The following AFF3 variants were observed in gnomAD, a reference collection of about 807,000 sequenced individuals.
AFF3 encodes the protein AF4/FMR2 family member 3.
Under a neutral mutation model 129.7 loss-of-function variants are expected in AFF3, and 32 were observed. That is an observed-to-expected ratio of 0.25 (90% CI 0.19 to 0.33). The LOEUF is 0.33. Ranked by LOEUF, AFF3 falls within the 10% of genes least tolerant of loss-of-function variation. The pLI is 1.00. For synonymous variants in AFF3, 644 were observed against 635.4 expected, an observed-to-expected ratio of 1.01 and a Z score of -0.20; for missense variants, 1,373 against 1,592.0, an observed-to-expected ratio of 0.86 and a Z score of 2.34.
chr2:99,757,062 C>T (rs191364300), intron 8 of AFF3, among the ~76,000 whole-genome samples: 16 of 152,346 alleles, frequency 1.1e-4, no homozygotes, highest in African/African-American at 3.1e-4. Flanking sequence ...GCTCCACTCT[C>T]GGAGATCTCA....
chr2:99,763,259 C>T (rs1682763294), intron 8 of AFF3, among the ~76,000 whole-genome samples: 3 of 152,224 alleles, frequency 2.0e-5, no homozygotes, highest in Admixed American at 6.5e-5. Context: ...TAGGAAGTCA[C>T]ACTTAAAACC....
chr2:100,068,950 C>T (rs899300037), intron 4 of AFF3, among the ~76,000 whole-genome samples: 1 of 152,060 alleles, frequency 6.6e-6, no homozygotes, highest in African/African-American at 2.4e-5. Flanking sequence ...GTAACCAAAC[C>T]TTGTATTTTT....
chr2:99,704,003 C>T (rs1677121897), intron 11 of AFF3, among the ~76,000 whole-genome samples: 1 of 152,176 alleles, frequency 6.6e-6, no homozygotes, highest in Non-Finnish European at 1.5e-5. Context: ...CAATGTTTTA[C>T]CACTTCCAGT....
intron 7 of AFF3, among the ~76,000 whole-genome samples, chr2:99,961,318 A>G (rs1677191093): frequency 6.6e-6 from 1 of 152,226 alleles, no homozygotes; most frequent in African/African-American, 2.4e-5. Flanking sequence ...TTTGGGCATC[A>G]CAACTGCTGA....
chr2:99,602,444 T>C (rs934715943), intron 13 of AFF3, among the ~76,000 whole-genome samples: 4 of 152,172 alleles, frequency 2.6e-5, no homozygotes, highest in Non-Finnish European at 5.9e-5. Context: ...ACAAGAAAAA[T>C]TGACTGATGC....
intron 8 of AFF3, among the ~76,000 whole-genome samples, chr2:99,762,169 G>C (rs1217861843): frequency 1.3e-5 from 2 of 149,216 alleles, no homozygotes; most frequent in Middle Eastern, 7.0e-3. Flanking sequence ...CTGTCACCCA[G>C]GCTAGAATGC....
intron 7 of AFF3, among the ~76,000 whole-genome samples, chr2:99,899,119 C>T (rs1694183945): frequency 6.6e-6 from 1 of 152,190 alleles, no homozygotes; most frequent in South Asian, 2.1e-4. Context: ...ATTTTGGCAA[C>T]ACAAATGGAA....
At chr2:99,980,446 A>G (rs1679304310) in intron 7 of AFF3, among the ~76,000 whole-genome samples, 1 of 152,224 alleles carries the variant, frequency 6.6e-6, no homozygotes, top group South Asian at 2.1e-4. Context: ...AAGAAAGGCA[A>G]TGATTTCTCT....
In AFF3 at chr2:99,569,199, A is replaced by G. The variant is rs569867331; in HGVS notation, c.2919-284T>C. ...GCCTAATTTGTGAATATATTTTTTTATTGTATGGTTAAAAAAAAAGCGAGA... is the reference window on the plus strand; with the variant it reads ...GCCTAATTTGTGAATATATTTTTTTGTTGTATGGTTAAAAAAAAAGCGAGA... On this transcript the variant is annotated intron_variant, in intron 18 of 24. Coordinates refer to ENST00000672756, the MANE Select transcript of AFF3 (RefSeq NM_001386135.1). 1.6e-4 allele frequency among the ~76,000 whole-genome samples: 25 copies of G among 152,212 alleles called. No individual in the cohort carries two copies. The South Asian group carries it at 3.3e-3, about 20-fold the overall frequency.
intron 11 of AFF3, among the ~76,000 whole-genome samples, chr2:99,718,298 C>T (rs1350948875): frequency 2.0e-5 from 3 of 152,140 alleles, no homozygotes; most frequent in Admixed American, 6.6e-5. Context: ...AATTCATGAA[C>T]GTCTCTCCAT....
At chr2:99,558,751 TACCTTGGGGAC>T in intron 22 of AFF3, 113 bp downstream of exon 22, 1 of 827,616 alleles carries the variant, frequency 1.2e-6, no homozygotes. Flanking sequence ...TAAATGGGGT[TACCTTGGGGAC>T]CAGAGGTGAC....
At chr2:100,117,946 G>A (rs918964608) in intron 2 of AFF3, among the ~76,000 whole-genome samples, 2 of 152,046 alleles carry the variant, frequency 1.3e-5, no homozygotes, top group African/African-American at 4.8e-5. Context: ...CACTGTACTC[G>A]AGTTTTCCCC....
At chr2:99,623,201 A>G (rs1272013468) in intron 13 of AFF3, among the ~76,000 whole-genome samples, 1 of 150,748 alleles carries the variant, frequency 6.6e-6, no homozygotes, top group Non-Finnish European at 1.5e-5. Context: ...CCTGATGCCA[A>G]ATAAGGGCAA....
At chr2:100,114,370 C>T (rs1227093766) in intron 2 of AFF3, among the ~76,000 whole-genome samples, 1 of 152,170 alleles carries the variant, frequency 6.6e-6, no homozygotes, top group Non-Finnish European at 1.5e-5. Flanking sequence ...GTCACAGGCT[C>T]ATGAAGCCAG....
At chr2:99,789,164 C>T (rs535085550) in intron 8 of AFF3, among the ~76,000 whole-genome samples, 10 of 152,184 alleles carry the variant, frequency 6.6e-5, no homozygotes, top group Admixed American at 2.0e-4. Context: ...TGGCCAGGTG[C>T]GGTGCCATGC....
intron 22 of AFF3, 134 bp downstream of exon 22, chr2:99,558,741 T>G (rs1675187217): frequency 4.1e-6 from 3 of 724,896 alleles, no homozygotes; most frequent in Non-Finnish European, 6.8e-6. Context: ...AAGTGTGGCA[T>G]AAATGGGGTT....
intron 7 of AFF3, among the ~76,000 whole-genome samples, chr2:99,857,288 T>C (rs1690600086): frequency 6.6e-6 from 1 of 152,228 alleles, no homozygotes; most frequent in Non-Finnish European, 1.5e-5. Context: ...CAGAACATAA[T>C]CCTGCACCCT....
intron 11 of AFF3, among the ~76,000 whole-genome samples, chr2:99,695,902 TC>T (rs1433519336): frequency 2.4e-5 from 3 of 122,672 alleles, no homozygotes; most frequent in Non-Finnish European, 3.2e-5. Context: ...CAGAGAGCTC[TC>T]TAGAATCTAT....
chr2:99,907,745 C>T (rs1384589059), intron 7 of AFF3, among the ~76,000 whole-genome samples: 1 of 152,028 alleles, frequency 6.6e-6, no homozygotes, highest in Non-Finnish European at 1.5e-5. Context: ...TTCAAGCGAT[C>T]CTCCCACCTC....
Sources: allele counts gnomAD v4.1 joint callset (sites outside exome capture counted in the v4.1 genomes callset), GRCh38; gene constraint gnomAD v4.1.1; transcripts MANE v1.5; gene names NCBI Gene and HGNC (gene_info 2026-07-23, HGNC 2026-07-21).